Variants in LYZ observed in about 807,000 individuals in gnomAD.
LYZ encodes lysozyme C.
In LYZ, 18 loss-of-function variants were observed where a neutral mutation model predicts 15.8. That is an observed-to-expected ratio of 1.14 (90% CI 0.79 to 1.69). LYZ has a LOEUF of 1.69. Among genes scored for constraint, LYZ ranks in the 40% most tolerant of loss-of-function variants. LYZ has a pLI of 0.00. For synonymous variants in LYZ, 60 were observed against 61.7 expected, an observed-to-expected ratio of 0.97 and a Z score of 0.13; for missense variants, 139 against 182.8, an observed-to-expected ratio of 0.76 and a Z score of 1.38.
chr12:69,350,355 C>T, intron 2 of LYZ, 83 bp downstream of exon 2: 2 of 1,392,946 alleles, frequency 1.4e-6, no homozygotes, highest in Non-Finnish European at 2.0e-6. Context: ...TTGAAAGGTT[C>T]ATGAGGGACC....
chr12:69,348,945 A>G (rs1452533272), intron 1 of LYZ, among the ~76,000 whole-genome samples: 1 of 151,806 alleles, frequency 6.6e-6, no homozygotes, highest in Non-Finnish European at 1.5e-5. Flanking sequence ...GTGATGCAGT[A>G]TTTTTCTTGT....
chr12:69,350,186 A>T lies in LYZ; in HGVS notation c.215A>T (p.Tyr72Phe), dbSNP rs148899470. The change falls in exon 2 of 4, where the codon TAT (tyrosine) becomes TTT (phenylalanine). Residue 72 changes from tyrosine (Y) to phenylalanine (F), a missense_variant. Tyr to Phe is a conservative substitution (Grantham distance 22, BLOSUM62 3). Transcript: ENST00000261267. ...NYNAGDRSTD[Y>F]GIFQINSRYW... ...AATGCTGGAGACAGAAGCACTGATT[A>T]TGGGATATTTCAGATCAATAGCCGC... 6.6e-5 allele frequency: 107 copies of T among 1,614,182 alleles called. No homozygotes were observed. In the African/African-American group the frequency reaches 1.4e-3, roughly 21 times the overall value.
chr12:69,351,514 A>T (rs1018407722), intron 2 of LYZ, among the ~76,000 whole-genome samples: 1 of 152,154 alleles, frequency 6.6e-6, no homozygotes, highest in African/African-American at 2.4e-5. Flanking sequence ...TCCAGAATGT[A>T]TATCAATCAT....
Position 69,353,244 on chromosome 12 carries a change from C to G in LYZ, c.*25C>G, listed in dbSNP as rs887746508. The G allele has an allele frequency of 6.4e-7, 1 of 1,564,128 alleles. No homozygotes were observed. Among genetic ancestry groups the G allele is most frequent in the South Asian group, 1.1e-5 (1 of 90,004 alleles). ...ACTCCAGAATTTTCCTTCTTCAGCT[C>G]ATTTTGTCTCTCTCACATTAAGGGA... On this transcript the variant is annotated 3_prime_UTR_variant, in exon 4 of 4. Transcript: ENST00000261267.
chr12:69,353,520 G>A lies in LYZ; in HGVS notation c.*301G>A, dbSNP rs1217647953. ...TTCTTTTTTTTTTTGAGACAGTCTC[G>A]CTCTGTCGCCCAGGCTGGAGTGCAG... On this transcript the variant is annotated 3_prime_UTR_variant, in exon 4 of 4. Coordinates refer to ENST00000261267, the MANE Select transcript of LYZ (RefSeq NM_000239.3). 8 of 158,528 alleles carry A rather than the reference G, an allele frequency of 5.0e-5. No homozygotes were observed. The highest frequency in any genetic ancestry group is 2.9e-4 in the African/African-American group (2 of 6,968). 9.8% of individuals were successfully genotyped at this position (158,528 alleles called of 1,614,324 possible).
At chr12:69,352,185 AT>A in intron 2 of LYZ, 34 bp from the exon 3 acceptor site, 1 of 1,465,544 alleles carries the variant, frequency 6.8e-7, no homozygotes, top group Non-Finnish European at 9.6e-7. Flanking sequence ...TAAAATATCT[AT>A]TAAAGTTTTT....
chr12:69,352,916 C>T (rs1874872699), intron 3 of LYZ, among the ~76,000 whole-genome samples: 1 of 152,148 alleles, frequency 6.6e-6, no homozygotes, highest in African/African-American at 2.4e-5. Context: ...GCAGTTGCTG[C>T]TGTACAACGC....
At chr12:69,351,569 C>A (rs1157260863) in intron 2 of LYZ, among the ~76,000 whole-genome samples, 2 of 152,030 alleles carry the variant, frequency 1.3e-5, no homozygotes. Flanking sequence ...AACCCACATA[C>A]AAACATGTAA....
Position 69,350,181 on chromosome 12 carries a change from T to G in LYZ, c.210T>G (p.Thr70=). Residue 70 remains threonine, a synonymous_variant, in exon 2 of 4, where the codon ACT becomes ACG. Transcript: ENST00000261267. ...ATNYNAGDRS[T]DYGIFQINSR... ...ACTACAATGCTGGAGACAGAAGCACTGATTATGGGATATTTCAGATCAATA... is the reference window on the plus strand; with the variant it reads ...ACTACAATGCTGGAGACAGAAGCACGGATTATGGGATATTTCAGATCAATA... 6.2e-7 allele frequency: 1 copy of G among 1,614,116 alleles called. No individual in the cohort carries two copies.
intron 2 of LYZ, among the ~76,000 whole-genome samples, chr12:69,351,028 CCTT>C (rs1874834498): frequency 6.6e-6 from 1 of 151,992 alleles, no homozygotes; most frequent in Non-Finnish European, 1.5e-5. Flanking sequence ...ACCTCAGCCT[CCTT>C]AAGTGCTGGA....
intron 1 of LYZ, 34 bp from the exon 2 acceptor site, chr12:69,350,074 T>A (rs1459384646): frequency 1.3e-6 from 2 of 1,599,074 alleles, no homozygotes; most frequent in Non-Finnish European, 1.7e-6. Flanking sequence ...TCACTTAGTG[T>A]TGCTGTTTAT....
In LYZ at chr12:69,350,109, G is replaced by A. The variant is rs759470900; in HGVS notation, c.138G>A (p.Trp46Ter). 1 of 1,613,984 alleles carries A rather than the reference G, an allele frequency of 6.2e-7. No individual in the cohort carries two copies. Among genetic ancestry groups the A allele is most frequent in the East Asian group, 2.2e-5 (1 of 44,868 alleles). Residue 46 changes from tryptophan to a stop codon, truncating the protein, a stop_gained and splice_region_variant, in exon 2 of 4, where the codon TGG becomes TGA. Coordinates refer to ENST00000261267, the MANE Select transcript of LYZ (RefSeq NM_000239.3). LOFTEE classifies it high-confidence loss of function. ...TTACTAAAAATAAGTTCTTTTCAGG[G>A]ATGTGTTTGGCCAAATGGGAGAGTG... ...DGYRGISLAN[W>*]MCLAKWESGY...
In LYZ at chr12:69,353,585, T is replaced by C; in HGVS notation, c.*366T>C. On this transcript the variant is annotated 3_prime_UTR_variant, in exon 4 of 4. Coordinates refer to ENST00000261267, the MANE Select transcript of LYZ (RefSeq NM_000239.3). The stretch of plus-strand genomic sequence containing the variant: ...CTCACTGCAACCTCCACCTCCCGGG[T>C]TCACGCCATTCTCCTGCCTCAGCCT... 2 of 268,274 alleles carry C rather than the reference T, an allele frequency of 7.5e-6. No individual in the cohort carries two copies. The highest frequency in any genetic ancestry group is 7.4e-5 in the South Asian group (2 of 27,172). The allele number at this position is 268,274 out of a possible 1,614,324, so 16.6% of individuals were successfully genotyped here. A position where few individuals can be genotyped will look rare whatever the true frequency, so the allele number is the denominator to read the frequency against.
chr12:69,348,716 G>T (rs557612393), intron 1 of LYZ, among the ~76,000 whole-genome samples, 172 bp downstream of exon 1: 5 of 152,280 alleles, frequency 3.3e-5, no homozygotes, highest in African/African-American at 9.6e-5. Context: ...AGAGATACCC[G>T]ATAAAGGAAT....
At chr12:69,349,175 G>A (rs1874788337) in intron 1 of LYZ, among the ~76,000 whole-genome samples, 1 of 151,846 alleles carries the variant, frequency 6.6e-6, no homozygotes, top group Non-Finnish European at 1.5e-5. Context: ...CTAATTTTTT[G>A]TATTTTCAGT....
Position 69,354,190 on chromosome 12 carries a change from T to C in LYZ, c.*971T>C, listed in dbSNP as rs1053162353. On this transcript the variant is annotated 3_prime_UTR_variant, in exon 4 of 4. Transcript: ENST00000261267. ...TTAATCACAAATGTGAAGTTATGCATGATGTAAAAAATACAAACATTCTAA... is the reference window on the plus strand; with the variant it reads ...TTAATCACAAATGTGAAGTTATGCACGATGTAAAAAATACAAACATTCTAA... The C allele has an allele frequency of 1.2e-4, 19 of 152,260 alleles. No individual in the cohort carries two copies. The highest frequency in any genetic ancestry group is 4.1e-4 in the African/African-American group (17 of 41,474). 9.4% of individuals were successfully genotyped at this position (152,260 alleles called of 1,614,324 possible).
In LYZ at chr12:69,353,494, G is replaced by A. The variant is rs879065636; in HGVS notation, c.*275G>A. The stretch of plus-strand genomic sequence containing the variant: ...ATCAAATACATCTCCAGTACATTCC[G>A]TTCTTTTTTTTTTTGAGACAGTCTC... On this transcript the variant is annotated 3_prime_UTR_variant, in exon 4 of 4. Transcript: ENST00000261267. 6 of 211,382 alleles carry A rather than the reference G, an allele frequency of 2.8e-5. No individual in the cohort carries two copies. Among genetic ancestry groups the A allele is most frequent in the East Asian group, 1.2e-4 (1 of 8,096 alleles). The allele number at this position is 211,382 out of a possible 1,614,324, so 13.1% of individuals were successfully genotyped here.
At position 69,353,540 on chromosome 12, in the gene LYZ, G is replaced by A. The variant is rs1874893842; in HGVS notation, c.*321G>A. The stretch of plus-strand genomic sequence containing the variant: ...GTCTCGCTCTGTCGCCCAGGCTGGA[G>A]TGCAGTGGCGCAATCTCGGCTCACT... On this transcript the variant is annotated 3_prime_UTR_variant, in exon 4 of 4. Transcript: ENST00000261267. 6.5e-6 allele frequency: 2 copies of A among 306,416 alleles called. No homozygotes were observed. Among genetic ancestry groups the A allele is most frequent in the Non-Finnish European group, 1.2e-5 (2 of 168,818 alleles). 19.0% of individuals were successfully genotyped at this position (306,416 alleles called of 1,614,324 possible).
In LYZ at chr12:69,350,283, C is replaced by T. The variant is rs751921161; in HGVS notation, c.301+11C>T. On this transcript the variant is annotated intron_variant, in intron 2 of 3. Transcript: ENST00000261267. ...ATTTATCCTGCAGTGGTAAGACAAG[C>T]TAATATTTGACCAATCTGGTTATAC... 4 of 1,613,858 alleles carry T rather than the reference C, an allele frequency of 2.5e-6. No homozygotes were observed. The South Asian group carries it at 4.4e-5, about 18-fold the overall frequency.
Sources: allele counts gnomAD v4.1 joint callset (sites outside exome capture counted in the v4.1 genomes callset), GRCh38; gene constraint gnomAD v4.1.1; transcripts MANE v1.5; gene names NCBI Gene and HGNC (gene_info 2026-07-23, HGNC 2026-07-21).